Variants in CPED1 observed in about 807,000 individuals in gnomAD.
CPED1 encodes cadherin-like and PC-esterase domain-containing protein 1.
A neutral mutation model predicts 128.2 loss-of-function variants in CPED1; 114 were observed. The observed-to-expected ratio is 0.89, with a 90% CI of 0.76 to 1.04. CPED1 has a LOEUF of 1.04. Among genes scored for constraint, CPED1 ranks in the 50% least tolerant of loss-of-function variants. The pLI is 0.00. For synonymous variants in CPED1, 462 were observed against 426.7 expected, an observed-to-expected ratio of 1.08 and a Z score of -1.02; for missense variants, 1,211 against 1,207.1, an observed-to-expected ratio of 1.00 and a Z score of -0.05.
chr7:121,129,007 A>T (rs1795579804), intron 11 of CPED1, among the ~76,000 whole-genome samples: 3 of 151,860 alleles, frequency 2.0e-5, no homozygotes, highest in Admixed American at 2.0e-4. Context: ...TATATCTTTT[A>T]AAAAAGGCAT....
intron 5 of CPED1, among the ~76,000 whole-genome samples, chr7:121,095,433 T>C (rs915441968): frequency 1.3e-5 from 2 of 152,070 alleles, no homozygotes; most frequent in Non-Finnish European, 2.9e-5. Context: ...GTTGTGGCTA[T>C]AATCAAGTTA....
chr7:121,293,969 C>G (rs1480747542), intron 22 of CPED1, among the ~76,000 whole-genome samples: 2 of 152,040 alleles, frequency 1.3e-5, no homozygotes, highest in African/African-American at 2.4e-5. Context: ...TTGCCAGCCC[C>G]CCATTCGTTA....
chr7:121,097,613 A>C (rs979297836), intron 5 of CPED1, 86 bp from the exon 6 acceptor site: 2 of 1,434,606 alleles, frequency 1.4e-6, no homozygotes, highest in East Asian at 4.6e-5. Context: ...TGTACCCTGC[A>C]GTTTAATACA....
chr7:121,146,051 T>C (rs1283947404), intron 16 of CPED1, among the ~76,000 whole-genome samples: 1 of 152,176 alleles, frequency 6.6e-6, no homozygotes, highest in Non-Finnish European at 1.5e-5. Context: ...AAACATTGTC[T>C]TAACATATTT....
At chr7:121,267,829 G>A (rs78204988) in intron 21 of CPED1, among the ~76,000 whole-genome samples, 12,322 of 152,046 alleles carry the variant, frequency 0.081, 600 homozygotes, top group African/African-American at 0.11. Context: ...CAATTGCAGA[G>A]TAATGACCCT....
rs533751782 is a variant in CPED1 at position 120,997,229 on chromosome 7, T to C, written c.249+7359T>C. ...AAACATCCCTAATAAAACTTATGTTTCATTGTAACTATTTATAAATGAAGG... is the reference window on the plus strand; with the variant it reads ...AAACATCCCTAATAAAACTTATGTTCCATTGTAACTATTTATAAATGAAGG... On this transcript the variant is annotated intron_variant, in intron 2 of 22. Coordinates refer to ENST00000310396, the MANE Select transcript of CPED1 (RefSeq NM_024913.5). Among the ~76,000 whole-genome samples, 212 of 152,370 alleles carry C rather than the reference T, an allele frequency of 1.4e-3. 4 individuals are homozygous for C. In the South Asian group the frequency reaches 0.042, roughly 31 times the overall value.
At position 121,050,460 on chromosome 7, in the gene CPED1, G is replaced by GTTTTT. The variant is rs34017549; in HGVS notation, c.540+3483_540+3487dup. The GTTTTT allele has an allele frequency of 3.6e-4, 39 of 108,462 alleles. 3 individuals are homozygous for GTTTTT. The highest frequency in any genetic ancestry group is 6.0e-4 in the South Asian group (2 of 3,348). The allele number at this position is 108,462 out of a possible 1,614,324, so 6.7% of individuals were successfully genotyped here. ...TATTGGTATTTTGGGGGCAATATAG[G>GTTTTT]TTTTTTTTTTTTTTTTTTTTGAGAT... is the stretch of plus-strand genomic sequence containing the variant. On this transcript the variant is annotated intron_variant, in intron 4 of 22. Transcript: ENST00000310396.
intron 3 of CPED1, among the ~76,000 whole-genome samples, chr7:121,023,013 T>C (rs1210276804): frequency 6.6e-6 from 1 of 151,204 alleles, no homozygotes; most frequent in Non-Finnish European, 1.5e-5. Flanking sequence ...GGATAGTAAG[T>C]GGCCAAAAAA....
chr7:121,064,121 T>C, intron 4 of CPED1, 117 bp from the exon 5 acceptor site: 1 of 644,660 alleles, frequency 1.6e-6, no homozygotes, highest in Admixed American at 2.2e-5. Context: ...GAAGGTGGGG[T>C]GTGGGTGGTT....
chr7:121,067,377 T>TC (rs1793863735), intron 5 of CPED1, among the ~76,000 whole-genome samples: 1 of 152,128 alleles, frequency 6.6e-6, no homozygotes, highest in Non-Finnish European at 1.5e-5. Flanking sequence ...TGTTTTTTTG[T>TC]CCTTGCGATA....
intron 3 of CPED1, among the ~76,000 whole-genome samples, chr7:121,018,930 T>A (rs1398058012): frequency 6.6e-6 from 1 of 152,122 alleles, no homozygotes; most frequent in African/African-American, 2.4e-5. Context: ...ACATGGCCCC[T>A]TTCCAGCTTG....
At chr7:121,217,240 C>T (rs1049714212) in intron 16 of CPED1, among the ~76,000 whole-genome samples, 2 of 151,720 alleles carry the variant, frequency 1.3e-5, no homozygotes, top group East Asian at 1.9e-4. Flanking sequence ...GTTTTTGCCT[C>T]CTCCTTTCCA....
At chr7:121,191,995 A>G (rs181618732) in intron 16 of CPED1, among the ~76,000 whole-genome samples, 9 of 152,284 alleles carry the variant, frequency 5.9e-5, no homozygotes, top group African/African-American at 1.4e-4. Context: ...CATTGAAAAT[A>G]TCTTGTGCAG....
chr7:121,011,377 T>C (rs368161308), intron 2 of CPED1, among the ~76,000 whole-genome samples: 4 of 152,328 alleles, frequency 2.6e-5, no homozygotes, highest in South Asian at 4.1e-4. Context: ...TTCATTATTT[T>C]GCTTAAATAT....
chr7:121,037,083 T>A (rs1047912559), intron 3 of CPED1, among the ~76,000 whole-genome samples: 1 of 152,186 alleles, frequency 6.6e-6, no homozygotes, highest in Non-Finnish European at 1.5e-5. Flanking sequence ...TTTCCCTCTG[T>A]GGATTGTCTG....
At chr7:121,285,532 T>C (rs1792548545) in intron 22 of CPED1, among the ~76,000 whole-genome samples, 1 of 152,228 alleles carries the variant, frequency 6.6e-6, no homozygotes, top group Admixed American at 6.5e-5. Flanking sequence ...GTTAGAAATT[T>C]CTTCTGCCAG....
At chr7:121,290,585 AT>A (rs1792678533) in intron 22 of CPED1, among the ~76,000 whole-genome samples, 1 of 151,992 alleles carries the variant, frequency 6.6e-6, no homozygotes, top group South Asian at 2.1e-4. Flanking sequence ...TCATATGTTT[AT>A]TGGCCACATA....
intron 9 of CPED1, 134 bp from the exon 10 acceptor site, chr7:121,126,956 G>T: frequency 1.8e-6 from 1 of 546,662 alleles, no homozygotes; most frequent in South Asian, 3.7e-5. Flanking sequence ...TAAAACTGTT[G>T]ACTTCCAAAA....
At chr7:121,160,343 A>G (rs948161727) in intron 16 of CPED1, among the ~76,000 whole-genome samples, 3 of 152,162 alleles carry the variant, frequency 2.0e-5, no homozygotes, top group Admixed American at 1.3e-4. Flanking sequence ...AGGCCTCCTT[A>G]GCCTCAGACT....
Sources: allele counts gnomAD v4.1 joint callset (sites outside exome capture counted in the v4.1 genomes callset), GRCh38; gene constraint gnomAD v4.1.1; transcripts MANE v1.5; gene names NCBI Gene and HGNC (gene_info 2026-07-23, HGNC 2026-07-21).